SACS: variants seen among roughly 807,000 people sequenced by gnomAD.
SACS encodes the protein sacsin.
A neutral mutation model predicts 348.0 loss-of-function variants in SACS; 197 were observed. The observed-to-expected ratio is 0.57, with a 90% CI of 0.50 to 0.64. The LOEUF is 0.64. Among genes scored for constraint, SACS ranks in the 30% least tolerant of loss-of-function variants. The probability of loss-of-function intolerance (pLI) is 0.00; values close to 1 mark genes in which losing one functional copy is unlikely to be tolerated. For synonymous variants in SACS, 1,985 were observed against 1,910.6 expected, an observed-to-expected ratio of 1.04 and a Z score of -1.02; for missense variants, 4,999 against 5,360.8, an observed-to-expected ratio of 0.93 and a Z score of 2.11.
rs1276838616 is a variant in SACS, at chr13:23,329,699, A to C, written c.*437T>G. The C allele has an allele frequency of 1.9e-6, 1 of 514,092 alleles. No homozygotes were observed. Among genetic ancestry groups the C allele is most frequent in the African/African-American group, 2.0e-5 (1 of 50,772 alleles). The allele number at this position is 514,092 out of a possible 1,614,324, so 31.8% of individuals were successfully genotyped here. ...ACGCATCCAAGAGGATCCACTTAAA[A>C]AAATGACAGACTACAAAGACTTAAT... On this transcript the variant is annotated 3_prime_UTR_variant, in exon 10 of 10. Coordinates refer to ENST00000382292, the MANE Select transcript of SACS (RefSeq NM_014363.6).
chr13:23,375,465 T>A, intron 2 of SACS, 196 bp from the exon 3 acceptor site: 1 of 1,169,788 alleles, frequency 8.5e-7, no homozygotes, highest in Non-Finnish European at 1.1e-6. Flanking sequence ...GAGGGCGGGA[T>A]CCGCATGGCG....
intron 2 of SACS, among the ~76,000 whole-genome samples, chr13:23,382,891 C>A (rs73154628): frequency 0.038 from 5,602 of 148,192 alleles, 179 homozygotes; most frequent in Admixed American, 0.1. Flanking sequence ...AAGAGATCTT[C>A]CCACCTCAGT....
At chr13:23,390,028 GT>G (rs34887662) in intron 2 of SACS, among the ~76,000 whole-genome samples, 4 of 151,602 alleles carry the variant, frequency 2.6e-5, no homozygotes, top group Non-Finnish European at 5.9e-5. Flanking sequence ...AATGGATTTG[GT>G]TTTTTTTCTA....
chr13:23,329,227 T>C lies in SACS; in HGVS notation c.*909A>G. The C allele has an allele frequency of 2.0e-6, 1 of 494,128 alleles. No homozygotes were observed. The highest frequency in any genetic ancestry group is 3.5e-6 in the Non-Finnish European group (1 of 283,976). The allele number at this position is 494,128 out of a possible 1,614,324, so 30.6% of individuals were successfully genotyped here. ...GTTTTTAAAGTTAAAAAAACTCCAC[T>C]ACATGCCATATTGAAAGAAAAGGTT... On this transcript the variant is annotated 3_prime_UTR_variant, in exon 10 of 10. Transcript: ENST00000382292.
At chr13:23,413,340 T>C (rs1873571994) in intron 1 of SACS, among the ~76,000 whole-genome samples, 1 of 152,234 alleles carries the variant, frequency 6.6e-6, no homozygotes, top group Non-Finnish European at 1.5e-5. Flanking sequence ...TGCCCATTCA[T>C]TGTTCTAAAA....
chr13:23,391,244 C>T (rs933956032), intron 2 of SACS, among the ~76,000 whole-genome samples: 4 of 152,180 alleles, frequency 2.6e-5, no homozygotes, highest in African/African-American at 9.7e-5. Flanking sequence ...TCAAGAGGCA[C>T]GGAAGTCAGG....
At chr13:23,343,748 T>C (rs1869423386) in intron 9 of SACS, among the ~76,000 whole-genome samples, 1 of 152,192 alleles carries the variant, frequency 6.6e-6, no homozygotes, top group South Asian at 2.1e-4. Flanking sequence ...CGCCTCAGGC[T>C]CTGGAAACTT....
intron 2 of SACS, among the ~76,000 whole-genome samples, chr13:23,395,308 A>G (rs187063691): frequency 2.0e-5 from 3 of 152,212 alleles, no homozygotes; most frequent in Admixed American, 2.0e-4. Flanking sequence ...ATGCTCCACC[A>G]CTAGGGCCAC....
intron 2 of SACS, among the ~76,000 whole-genome samples, chr13:23,396,250 G>A (rs1269111110): frequency 6.6e-6 from 1 of 151,586 alleles, no homozygotes; most frequent in Non-Finnish European, 1.5e-5. Context: ...CTTGAACCCA[G>A]GAGGCAGAGG....
intron 2 of SACS, among the ~76,000 whole-genome samples, chr13:23,394,561 T>G (rs976453926): frequency 6.6e-6 from 1 of 152,162 alleles, no homozygotes; most frequent in African/African-American, 2.4e-5. Flanking sequence ...TAGGATCAGA[T>G]TCATCATTAG....
Position 23,432,141 on chromosome 13 carries a change from C to T in SACS, c.-502+1474G>A, listed in dbSNP as rs574888911. 3.9e-5 allele frequency among the ~76,000 whole-genome samples: 6 copies of T among 152,248 alleles called. No individual in the cohort carries two copies. In the South Asian group the frequency reaches 6.2e-4, roughly 16 times the overall value. Reference sequence around the variant, plus strand: ...ATGTGGTAGACCTGAGATTGGAACCCGGGGCTTCTGGGGGCAAGTCCTGCG... The same window carrying T: ...ATGTGGTAGACCTGAGATTGGAACCTGGGGCTTCTGGGGGCAAGTCCTGCG... On this transcript the variant is annotated intron_variant, in intron 1 of 9. Coordinates refer to ENST00000382292, the MANE Select transcript of SACS (RefSeq NM_014363.6).
Position 23,331,919 on chromosome 13 carries a change from G to A in SACS, c.11957C>T (p.Thr3986Ile). The stretch of plus-strand genomic sequence containing the variant: ...CGCTCCAAACTGACAAACTTTGGGA[G>A]TCTCTTCATCTAATTGTTCTTCAAG... ...SILEEQLDEE[T>I]PKVCQFGALC... Residue 3986 changes from threonine to isoleucine, a missense_variant, in exon 10 of 10, where the codon ACT (threonine) becomes ATT (isoleucine). Coordinates refer to ENST00000382292, the MANE Select transcript of SACS (RefSeq NM_014363.6). 6.2e-7 allele frequency: 1 copy of A among 1,614,038 alleles called. No individual in the cohort carries two copies. The highest frequency in any genetic ancestry group is 8.5e-7 in the Non-Finnish European group (1 of 1,179,944).
chr13:23,360,802 C>A (rs555808686), intron 6 of SACS, among the ~76,000 whole-genome samples: 38 of 145,700 alleles, frequency 2.6e-4, no homozygotes, highest in African/African-American at 8.9e-4. Context: ...GTTGCCCAGG[C>A]TGGAGTGCAG....
At chr13:23,419,415 T>C (rs1873828290) in intron 1 of SACS, 1 of 152,292 alleles carries the variant, frequency 6.6e-6, no homozygotes, top group Non-Finnish European at 1.5e-5. Flanking sequence ...TAGCAATTTG[T>C]AGGCCTAGAG....
intron 2 of SACS, among the ~76,000 whole-genome samples, chr13:23,390,848 T>C (rs1295884160): frequency 1.3e-5 from 2 of 152,234 alleles, no homozygotes; most frequent in African/African-American, 4.8e-5. Flanking sequence ...AGCGTGTTCA[T>C]GTGTTGTCAT....
intron 5 of SACS, 44 bp downstream of exon 5, chr13:23,368,357 AT>A: frequency 1.4e-6 from 2 of 1,412,364 alleles, no homozygotes; most frequent in Non-Finnish European, 9.8e-7. Context: ...ACTTCATCTC[AT>A]TTTTATCAAA....
chr13:23,399,037 A>AAAAAAAAC (rs55848856), intron 2 of SACS, among the ~76,000 whole-genome samples: 1 of 149,746 alleles, frequency 6.7e-6, no homozygotes, highest in African/African-American at 2.5e-5. Flanking sequence ...AAAAAAAAAA[A>AAAAAAAAC]CATGGATGCC....
intron 9 of SACS, among the ~76,000 whole-genome samples, chr13:23,344,938 C>T (rs961925166): frequency 1.3e-5 from 2 of 152,248 alleles, no homozygotes; most frequent in African/African-American, 4.8e-5. Flanking sequence ...CAGTGCTAAC[C>T]TTGAGAATGA....
At position 23,337,431 on chromosome 13, in the gene SACS, C is replaced by T. The variant is rs746947698; in HGVS notation, c.6445G>A (p.Val2149Ile). ...TCATCTTTTGCCATACCTAACTGAACTAGTTTAATCAAAATAATAGGATTG... is the reference window on the plus strand; with the variant it reads ...TCATCTTTTGCCATACCTAACTGAATTAGTTTAATCAAAATAATAGGATTG... ...YLNPIILIKL[V>I]QLGMAKDDIL... is the part of the protein sequence containing the mutation. The change falls in exon 10 of 10, where the codon GTT becomes ATT. Residue 2149 changes from valine to isoleucine, a missense_variant. This residue lies in a region of SACS where 3,156 missense variants were observed against 3,380.1 expected (regional missense o/e 0.93). Coordinates refer to ENST00000382292, the MANE Select transcript of SACS (RefSeq NM_014363.6). 4 of 1,612,450 alleles carry T rather than the reference C, an allele frequency of 2.5e-6. No homozygotes were observed. Among genetic ancestry groups the T allele is most frequent in the Non-Finnish European group, 3.4e-6 (4 of 1,179,262 alleles).
Sources: gnomAD v4.1 joint callset for allele counts (sites outside exome capture counted in the v4.1 genomes callset) on GRCh38, gnomAD v4.1.1 for gene constraint, gnomAD v4.1.1 regional missense constraint, MANE v1.5 for transcripts, NCBI Gene and HGNC (gene_info 2026-07-23, HGNC 2026-07-21) for gene names.